Variants in ITGB8 observed in about 807,000 individuals in gnomAD.
ITGB8 encodes integrin beta-8.
Under a neutral mutation model 89.5 loss-of-function variants are expected in ITGB8, and 30 were observed. The observed-to-expected ratio is 0.34, with a 90% CI of 0.25 to 0.45. ITGB8 has a LOEUF of 0.45. Among genes scored for constraint, ITGB8 ranks in the 20% least tolerant of loss-of-function variants. The pLI is 1.00. For missense variants in ITGB8, 836 were observed against 933.3 expected (o/e 0.90, Z 1.36); for synonymous variants, 335 against 320.4 (o/e 1.05, Z -0.49).
In ITGB8 at chr7:20,407,567, C is replaced by G. The variant is rs1050582951; in HGVS notation, c.2023+1396C>G. 3.3e-5 allele frequency among the ~76,000 whole-genome samples: 5 copies of G among 152,120 alleles called. No individual in the cohort carries two copies. In the East Asian group the frequency reaches 9.6e-4, roughly 29 times the overall value. On this transcript the variant is annotated intron_variant, in intron 12 of 13. Transcript: ENST00000222573. Reference sequence around the variant, plus strand: ...GACTGCACAAAAGAGTAAACTTTCTCCAGAGTTTTGTTTCCTTTTTCCCTC... The same window carrying G: ...GACTGCACAAAAGAGTAAACTTTCTGCAGAGTTTTGTTTCCTTTTTCCCTC...
At chr7:20,357,988 T>C (rs912686018) in intron 1 of ITGB8, among the ~76,000 whole-genome samples, 4 of 152,154 alleles carry the variant, frequency 2.6e-5, no homozygotes, top group Non-Finnish European at 4.4e-5. Context: ...TGTTTTGAGA[T>C]GGAGTCTCGC....
chr7:20,398,247 A>C (rs1419043970), intron 8 of ITGB8, among the ~76,000 whole-genome samples: 2 of 152,326 alleles, frequency 1.3e-5, no homozygotes, highest in East Asian at 1.9e-4. Flanking sequence ...GACACAAACA[A>C]GTCCCAAGGA....
Position 20,391,415 on chromosome 7 carries a change from C to A in ITGB8, c.973C>A (p.Leu325Ile). ...VKSTTMEHPSLGQLSEKLIDN... is the reference protein window; with the variant it reads ...VKSTTMEHPSIGQLSEKLIDN... The stretch of plus-strand genomic sequence containing the variant: ...TTATTCATTACAGGAACACCCCTCA[C>A]TAGGCCAACTTTCAGAGAAATTAAT... The change falls in exon 7 of 14, where the codon CTA becomes ATA. Residue 325 changes from leucine to isoleucine, a missense_variant. Physicochemically the swap from Leu to Ile is conservative, Grantham distance 5. This residue lies in a region of ITGB8 where 192 missense variants were observed against 267.1 expected (regional missense o/e 0.72). Coordinates refer to ENST00000222573, the MANE Select transcript of ITGB8 (RefSeq NM_002214.3). The A allele has an allele frequency of 1.3e-6, 2 of 1,593,642 alleles. No individual in the cohort carries two copies. The highest frequency in any genetic ancestry group is 1.7e-6 in the Non-Finnish European group (2 of 1,166,788).
chr7:20,399,819 A>G (rs1054137283), intron 9 of ITGB8, among the ~76,000 whole-genome samples: 3 of 152,206 alleles, frequency 2.0e-5, no homozygotes, highest in Non-Finnish European at 4.4e-5. Context: ...CTAAAGTGCA[A>G]TGATGATTAA....
intron 9 of ITGB8, among the ~76,000 whole-genome samples, chr7:20,399,430 C>G (rs1160966772): frequency 1.3e-5 from 2 of 151,998 alleles, no homozygotes; most frequent in Non-Finnish European, 2.9e-5. Context: ...AATGATAGAA[C>G]AGTTGATAAA....
rs1784370326 is a variant in ITGB8 at position 20,331,104 on chromosome 7, C to T, written c.-703C>T. ...CTCGCTCTGTGCCTGCGGGTGTCGG[C>T]GGGTGCTTCTAGGGCGCTCCCAGAG... On this transcript the variant is annotated 5_prime_UTR_variant, in exon 1 of 14. Transcript: ENST00000222573. 1 of 153,748 alleles carries T rather than the reference C, an allele frequency of 6.5e-6. No individual in the cohort carries two copies. Among genetic ancestry groups the T allele is most frequent in the Non-Finnish European group, 1.4e-5 (1 of 69,134 alleles). 9.5% of individuals were successfully genotyped at this position (153,748 alleles called of 1,614,324 possible). A position where few individuals can be genotyped will look rare whatever the true frequency, so the allele number is the denominator to read the frequency against.
upstream of ITGB8, among the ~76,000 whole-genome samples, chr7:20,330,277 C>G (rs1160922607): frequency 6.6e-6 from 1 of 152,182 alleles, no homozygotes; most frequent in African/African-American, 2.4e-5. Context: ...GGGTAGAGGA[C>G]GAGCTCCTAA....
At chr7:20,359,425 C>A (rs1296116814) in intron 1 of ITGB8, among the ~76,000 whole-genome samples, 1 of 152,154 alleles carries the variant, frequency 6.6e-6, no homozygotes, top group Non-Finnish European at 1.5e-5. Context: ...GTGGGAAAAC[C>A]CACTCAGGCA....
chr7:20,381,677 G>A (rs1251059626), intron 5 of ITGB8, 50 bp from the exon 6 acceptor site: 4 of 1,442,648 alleles, frequency 2.8e-6, no homozygotes, highest in African/African-American at 1.4e-5. Flanking sequence ...AAAAACCACA[G>A]TACACATCTG....
upstream of ITGB8, chr7:20,329,841 GC>G (rs1784315843): frequency 1.3e-5 from 2 of 152,134 alleles, no homozygotes; most frequent in South Asian, 4.2e-4. Context: ...TGTTTCCAAT[GC>G]GGGGGACTGA....
chr7:20,349,389 A>C (rs79069056), intron 1 of ITGB8, among the ~76,000 whole-genome samples: 13,046 of 151,688 alleles, frequency 0.086, 743 homozygotes, highest in East Asian at 0.37. Flanking sequence ...CAAAACCGCA[A>C]TTACTTTAGC....
chr7:20,356,603 T>C (rs934910228), intron 1 of ITGB8, among the ~76,000 whole-genome samples: 1 of 152,168 alleles, frequency 6.6e-6, no homozygotes, highest in Non-Finnish European at 1.5e-5. Context: ...GAAAGGGATA[T>C]TGCCTGGAAA....
intron 1 of ITGB8, among the ~76,000 whole-genome samples, chr7:20,349,972 C>A (rs1785058437): frequency 6.6e-6 from 1 of 152,222 alleles, no homozygotes; most frequent in South Asian, 2.1e-4. Flanking sequence ...AGTCAACGTA[C>A]AGAACCCTTC....
chr7:20,403,858 T>C (rs903123990), intron 10 of ITGB8, among the ~76,000 whole-genome samples: 1 of 152,160 alleles, frequency 6.6e-6, no homozygotes, highest in African/African-American at 2.4e-5. Context: ...TCATGTGAAA[T>C]GTACCCCCTT....
At chr7:20,388,066 G>C (rs375833602) in intron 6 of ITGB8, among the ~76,000 whole-genome samples, 1 of 151,928 alleles carries the variant, frequency 6.6e-6, no homozygotes, top group Non-Finnish European at 1.5e-5. Flanking sequence ...TTTTATCCAC[G>C]TAGATATACA....
chr7:20,398,855 T>C lies in ITGB8; in HGVS notation c.1147-5T>C. On this transcript the variant is annotated splice_polypyrimidine_tract_variant and splice_region_variant and intron_variant, in intron 8 of 13. Coordinates refer to ENST00000222573, the MANE Select transcript of ITGB8 (RefSeq NM_002214.3). Reference sequence around the variant, plus strand: ...GTATGTAATTTAAAAATAATGTCTCTGCAGAAGCTCATTTCAGAAGTGAAA... The same window carrying C: ...GTATGTAATTTAAAAATAATGTCTCCGCAGAAGCTCATTTCAGAAGTGAAA... 6.4e-7 allele frequency: 1 copy of C among 1,571,594 alleles called. No individual in the cohort carries two copies. Among genetic ancestry groups the C allele is most frequent in the Non-Finnish European group, 8.6e-7 (1 of 1,160,800 alleles).
Position 20,413,090 on chromosome 7 carries a change from C to G in ITGB8, c.*3093C>G, listed in dbSNP as rs895289689. On this transcript the variant is annotated 3_prime_UTR_variant, in exon 14 of 14. Coordinates refer to ENST00000222573, the MANE Select transcript of ITGB8 (RefSeq NM_002214.3). Reference sequence around the variant, plus strand: ...TTTTATTTCTCTGGGGACACCATTGCACTGCAGTGCACACGTATTTATAAA... The same window carrying G: ...TTTTATTTCTCTGGGGACACCATTGGACTGCAGTGCACACGTATTTATAAA... The G allele has an allele frequency of 1.3e-5, 2 of 152,130 alleles. No homozygotes were observed. Among genetic ancestry groups the G allele is most frequent in the Non-Finnish European group, 2.9e-5 (2 of 67,980 alleles). 9.4% of individuals were successfully genotyped at this position (152,130 alleles called of 1,614,324 possible).
rs750918811 is a variant in ITGB8 at position 20,404,615 on chromosome 7, G to A, written c.1688-13G>A. On this transcript the variant is annotated splice_polypyrimidine_tract_variant and intron_variant, in intron 10 of 13. Transcript: ENST00000222573. ...ATCCAGATAACATAGGTCCTGCGGT[G>A]TCTTCCTCACAGGGCATGGAGAGTG... 10 of 1,610,232 alleles carry A rather than the reference G, an allele frequency of 6.2e-6. No homozygotes were observed. The highest frequency in any genetic ancestry group is 1.1e-5 in the South Asian group (1 of 90,528).
At chr7:20,342,675 T>C (rs2128127940) in intron 1 of ITGB8, among the ~76,000 whole-genome samples, 1 of 152,166 alleles carries the variant, frequency 6.6e-6, no homozygotes, top group African/African-American at 2.4e-5. Context: ...AGATTTTTCA[T>C]TCATTTTTTT....
Sources: gnomAD v4.1 joint callset for allele counts (sites outside exome capture counted in the v4.1 genomes callset) on GRCh38, gnomAD v4.1.1 for gene constraint, gnomAD v4.1.1 regional missense constraint, MANE v1.5 for transcripts, NCBI Gene and HGNC (gene_info 2026-07-23, HGNC 2026-07-21) for gene names.